Variants in ENAH observed in about 807,000 individuals in gnomAD.
ENAH encodes protein enabled homolog.
In ENAH, 23 loss-of-function variants were observed where a neutral mutation model predicts 78.7. The ratio of observed to expected loss-of-function variants is 0.29; its 90% confidence interval spans 0.21 to 0.41. The LOEUF (loss-of-function observed/expected upper bound fraction) is 0.41, where lower values mean the gene tolerates loss of function less well. Ranked by LOEUF, ENAH falls within the 10% of genes least tolerant of loss-of-function variation. The pLI is 1.00. For missense variants in ENAH, 544 were observed against 691.0 expected, an observed-to-expected ratio of 0.79 and a Z score of 2.39; for synonymous variants, 226 against 241.0, an observed-to-expected ratio of 0.94 and a Z score of 0.58.
intron 1 of ENAH, among the ~76,000 whole-genome samples, chr1:225,586,368 C>A (rs1008505024): frequency 1.3e-5 from 2 of 151,610 alleles, no homozygotes; most frequent in African/African-American, 4.8e-5. Flanking sequence ...AAGCTCCTCA[C>A]AAACAAAACT....
Position 225,557,274 on chromosome 1 carries a change from A to G in ENAH, c.172-2191T>C, listed in dbSNP as rs568013189. On this transcript the variant is annotated intron_variant, in intron 2 of 13. Coordinates refer to ENST00000366843, the MANE Select transcript of ENAH (RefSeq NM_018212.6). ...TCTTTCATTAGATTTATTATTTTCT[A>G]TTATTAATCGAGTTCTAAGTATTAG... Among the ~76,000 whole-genome samples, 4 of 152,258 alleles carry G rather than the reference A, an allele frequency of 2.6e-5. No homozygotes were observed. In the East Asian group the frequency reaches 7.7e-4, roughly 29 times the overall value.
intron 3 of ENAH, among the ~76,000 whole-genome samples, chr1:225,545,910 CTTTTTTTTTTTTTT>C (rs56105983): frequency 9.1e-6 from 1 of 109,418 alleles, no homozygotes; most frequent in Admixed American, 1.0e-4. Context: ...CATCTGTAAA[CTTTTTTTTTTTTTT>C]TTTTTTTTTT....
At chr1:225,505,505 C>T (rs1234172330) in intron 11 of ENAH, among the ~76,000 whole-genome samples, 3 of 152,254 alleles carry the variant, frequency 2.0e-5, no homozygotes, top group African/African-American at 7.2e-5. Context: ...TTAACAAATA[C>T]AGCAATATGC....
rs2096403053 is a variant in ENAH, at chr1:225,514,632, A to T, written c.1182T>A (p.Ala394=). ...TCCTAAGTTTTGCTCCGGCAATTGC[A>T]GCTGCAAGTCCAGTTAAAGGGCGAT... The part of the protein sequence containing the change: ...EDNRPLTGLA[A]AIAGAKLRKV... The change falls in exon 7 of 14, where the codon GCT becomes GCA. Residue 394 remains alanine (A), a synonymous_variant. Transcript: ENST00000366843. 1 of 1,611,820 alleles carries T rather than the reference A, an allele frequency of 6.2e-7. No homozygotes were observed. Among genetic ancestry groups the T allele is most frequent in the Non-Finnish European group, 8.5e-7 (1 of 1,179,540 alleles).
In ENAH at chr1:225,546,697, T is replaced by C. The variant is rs1472279019; in HGVS notation, c.349+8209A>G. Among the ~76,000 whole-genome samples, 8 of 152,322 alleles carry C rather than the reference T, an allele frequency of 5.3e-5. No individual in the cohort carries two copies. The East Asian group carries it at 1.5e-3, about 29-fold the overall frequency. Reference sequence around the variant, plus strand: ...CACAGGATCTGGAGGCCTAATTCAGTAGCTCCCAACCTTTTCAACAGCTAG... The same window carrying C: ...CACAGGATCTGGAGGCCTAATTCAGCAGCTCCCAACCTTTTCAACAGCTAG... On this transcript the variant is annotated intron_variant, in intron 3 of 13. Coordinates refer to ENST00000366843, the MANE Select transcript of ENAH (RefSeq NM_018212.6).
At chr1:225,634,302 A>AT (rs1230298871) in intron 1 of ENAH, among the ~76,000 whole-genome samples, 5 of 152,242 alleles carry the variant, frequency 3.3e-5, no homozygotes, top group African/African-American at 4.8e-5. Flanking sequence ...TATGTTGAAC[A>AT]TATTTTTTAA....
chr1:225,544,039 A>G (rs1366510746), intron 3 of ENAH, among the ~76,000 whole-genome samples: 1 of 152,222 alleles, frequency 6.6e-6, no homozygotes, highest in Non-Finnish European at 1.5e-5. Context: ...ATCGTGGAAC[A>G]GGTTTGGCTG....
At chr1:225,536,991 T>A (rs1019681511) in intron 3 of ENAH, among the ~76,000 whole-genome samples, 8 of 152,132 alleles carry the variant, frequency 5.3e-5, no homozygotes, top group Non-Finnish European at 1.2e-4. Context: ...ATATTTTCAA[T>A]AATTATAAGT....
At chr1:225,580,697 C>A (rs2096811873) in intron 1 of ENAH, among the ~76,000 whole-genome samples, 1 of 152,026 alleles carries the variant, frequency 6.6e-6, no homozygotes, top group South Asian at 2.1e-4. Flanking sequence ...GTGGGTGGAT[C>A]ATTTGAGATC....
At chr1:225,532,846 T>C (rs1220198651) in intron 3 of ENAH, among the ~76,000 whole-genome samples, 1 of 152,138 alleles carries the variant, frequency 6.6e-6, no homozygotes, top group Non-Finnish European at 1.5e-5. Flanking sequence ...AGTTTATTCC[T>C]GCAGCTGAGA....
intron 1 of ENAH, among the ~76,000 whole-genome samples, chr1:225,587,484 T>TA (rs1265102474): frequency 6.6e-6 from 1 of 152,122 alleles, no homozygotes; most frequent in Non-Finnish European, 1.5e-5. Flanking sequence ...TGCTGAAAAC[T>TA]AAAAAACACT....
chr1:225,514,942 C>T (rs541796790), intron 6 of ENAH, 42 bp from the exon 7 acceptor site: 307 of 1,500,432 alleles, frequency 2.0e-4, no homozygotes, highest in Non-Finnish European at 4.3e-5. Flanking sequence ...AACAATAGAG[C>T]TGAGTGATAT....
Position 225,493,796 on chromosome 1 carries a change from T to C in ENAH, c.*3979A>G, listed in dbSNP as rs923989125. The C allele has an allele frequency of 6.6e-6, 1 of 152,114 alleles. No individual in the cohort carries two copies. Among genetic ancestry groups the C allele is most frequent in the African/African-American group, 2.4e-5 (1 of 41,426 alleles). 9.4% of individuals were successfully genotyped at this position (152,114 alleles called of 1,614,324 possible). On this transcript the variant is annotated 3_prime_UTR_variant, in exon 14 of 14. Coordinates refer to ENST00000366843, the MANE Select transcript of ENAH (RefSeq NM_018212.6). The stretch of plus-strand genomic sequence containing the variant: ...GGGTAATGGTGTTATAAAATTATAA[T>C]GGCCACACAGGAATTAAAGAGACCT...
intron 5 of ENAH, 149 bp downstream of exon 5, chr1:225,519,049 G>A (rs1311757879): frequency 3.3e-6 from 4 of 1,203,364 alleles, no homozygotes; most frequent in Non-Finnish European, 4.6e-6. Flanking sequence ...AAATGTTAAA[G>A]TAGTAATTGC....
At chr1:225,546,859 A>T (rs1002835604) in intron 3 of ENAH, among the ~76,000 whole-genome samples, 2 of 152,208 alleles carry the variant, frequency 1.3e-5, no homozygotes, top group African/African-American at 4.8e-5. Flanking sequence ...TAAAGCCAGA[A>T]TTGTGTCTAC....
At chr1:225,646,616 T>A (rs1662007217) in intron 1 of ENAH, among the ~76,000 whole-genome samples, 1 of 151,522 alleles carries the variant, frequency 6.6e-6, no homozygotes, top group Non-Finnish European at 1.5e-5. Context: ...TGAAACCCCA[T>A]CTCAACTAAA....
At chr1:225,561,619 T>TTAAAATAAAA (rs140300660) in intron 2 of ENAH, among the ~76,000 whole-genome samples, 8,282 of 125,808 alleles carry the variant, frequency 0.066, 511 homozygotes, top group African/African-American at 0.15. Flanking sequence ...AGATTCCGTC[T>TTAAAATAAAA]TAAAATAAAA....
intron 1 of ENAH, among the ~76,000 whole-genome samples, chr1:225,569,239 C>T (rs2096748731): frequency 6.6e-6 from 1 of 152,182 alleles, no homozygotes; most frequent in South Asian, 2.1e-4. Flanking sequence ...TAGAATAATA[C>T]AGGATAGTAG....
At chr1:225,548,972 C>T (rs1032045423) in intron 3 of ENAH, among the ~76,000 whole-genome samples, 2 of 151,886 alleles carry the variant, frequency 1.3e-5, no homozygotes, top group African/African-American at 4.8e-5. Flanking sequence ...GCATCGGCCT[C>T]CCGAGTAATT....
Sources: allele counts gnomAD v4.1 joint callset (sites outside exome capture counted in the v4.1 genomes callset), GRCh38; gene constraint gnomAD v4.1.1; transcripts MANE v1.5; gene names NCBI Gene and HGNC (gene_info 2026-07-23, HGNC 2026-07-21).